The following MBNL2 variants were observed in gnomAD, a reference collection of about 807,000 sequenced individuals.
MBNL2 encodes the protein muscleblind-like protein 2.
MBNL2 carries 17 observed loss-of-function variants against 41.9 expected under a neutral mutation model. The ratio of observed to expected loss-of-function variants is 0.41; its 90% CI spans 0.28 to 0.61. The LOEUF (loss-of-function observed/expected upper bound fraction) is 0.61, where lower values mean the gene tolerates loss of function less well. MBNL2 is among the 20% of genes least tolerant of loss of function. The pLI, the probability that MBNL2 is intolerant of heterozygous loss-of-function variation, is 0.35. For missense variants in MBNL2, 336 were observed against 505.6 expected (o/e 0.66, Z 3.22); for synonymous variants, 195 against 182.9 (o/e 1.07, Z -0.53).
chr13:97,274,548 T>C (rs2051780355), intron 1 of MBNL2, among the ~76,000 whole-genome samples: 2 of 152,150 alleles, frequency 1.3e-5, no homozygotes, highest in Admixed American at 6.6e-5. Flanking sequence ...TCTGAACTTA[T>C]TTGTTACCTG....
intron 2 of MBNL2, among the ~76,000 whole-genome samples, chr13:97,291,705 G>T (rs553440327): frequency 1.3e-5 from 2 of 150,218 alleles, no homozygotes; most frequent in Non-Finnish European, 3.0e-5. Flanking sequence ...GGCCAGCCCA[G>T]CCAACATGGT....
chr13:97,334,000 AAGAG>A (rs1445183526), intron 2 of MBNL2, among the ~76,000 whole-genome samples: 2 of 117,862 alleles, frequency 1.7e-5, no homozygotes, highest in Admixed American at 8.5e-5. Context: ...AAGAAAGAGA[AAGAG>A]AGAAAGAGAG....
chr13:97,342,410 G>A (rs2061513595), intron 3 of MBNL2, among the ~76,000 whole-genome samples: 1 of 152,202 alleles, frequency 6.6e-6, no homozygotes, highest in African/African-American at 2.4e-5. Context: ...AGGAAGGGAA[G>A]ACTGACTGGA....
chr13:97,216,385 T>C, the MBNL2 span, among the ~76,000 whole-genome samples: 1 of 151,996 alleles, frequency 6.6e-6, no homozygotes, highest in African/African-American at 2.4e-5. Flanking sequence ...ATTTGGTTTA[T>C]ACATGAAATA....
At chr13:97,208,198 T>C in the MBNL2 span, among the ~76,000 whole-genome samples, 2 of 152,230 alleles carry the variant, frequency 1.3e-5, no homozygotes, top group Non-Finnish European at 2.9e-5. Context: ...AATGTGAATC[T>C]CCAAGTGGAC....
intron 1 of MBNL2, among the ~76,000 whole-genome samples, chr13:97,235,484 G>A (rs1401842174): frequency 6.6e-6 from 1 of 152,154 alleles, no homozygotes; most frequent in Admixed American, 6.5e-5. Flanking sequence ...AGAAAACATT[G>A]CCATTTAAAA....
chr13:97,358,906 T>C (rs1411090912), intron 7 of MBNL2, among the ~76,000 whole-genome samples: 1 of 152,170 alleles, frequency 6.6e-6, no homozygotes, highest in African/African-American at 2.4e-5. Context: ...ATTCTTTGTA[T>C]AAAATCTACA....
At chr13:97,143,714 ACT>A in the MBNL2 span, among the ~76,000 whole-genome samples, 15 of 152,160 alleles carry the variant, frequency 9.9e-5, no homozygotes, top group Non-Finnish European at 1.9e-4. Flanking sequence ...TACTGAGTAA[ACT>A]CTCTTTTATT....
chr13:97,151,236 T>C, the MBNL2 span, among the ~76,000 whole-genome samples: 2 of 152,118 alleles, frequency 1.3e-5, no homozygotes. Flanking sequence ...CAGATGCTTT[T>C]CAAAGCGGGG....
intron 8 of MBNL2, among the ~76,000 whole-genome samples, chr13:97,369,120 A>G (rs1333038970): frequency 6.6e-6 from 1 of 152,234 alleles, no homozygotes; most frequent in Non-Finnish European, 1.5e-5. Context: ...TGTATTTTCA[A>G]TAAGTTTCAA....
the MBNL2 span, among the ~76,000 whole-genome samples, chr13:97,205,004 T>C: frequency 2.0e-5 from 3 of 151,818 alleles, no homozygotes; most frequent in East Asian, 5.8e-4. Flanking sequence ...AAATGCCATC[T>C]TTACTGAAAA....
chr13:97,191,664 G>A, the MBNL2 span, among the ~76,000 whole-genome samples: 4 of 152,150 alleles, frequency 2.6e-5, no homozygotes, highest in Non-Finnish European at 5.9e-5. Flanking sequence ...GATTTTTGTG[G>A]ACTAGCATGA....
At chr13:97,190,182 A>G in the MBNL2 span, among the ~76,000 whole-genome samples, 19 of 152,344 alleles carry the variant, frequency 1.2e-4, no homozygotes, top group East Asian at 1.9e-4. Context: ...GCCCTTCCTG[A>G]AAGCAACCCA....
chr13:97,389,529 C>T (rs1267967687), intron 8 of MBNL2, among the ~76,000 whole-genome samples: 1 of 151,722 alleles, frequency 6.6e-6, no homozygotes, highest in African/African-American at 2.4e-5. Flanking sequence ...ACAGGAAGAC[C>T]CCATCTCTAC....
At chr13:97,218,315 C>T (rs1479093877), upstream of MBNL2, among the ~76,000 whole-genome samples, 2 of 151,724 alleles carry the variant, frequency 1.3e-5, no homozygotes, top group African/African-American at 4.8e-5. Flanking sequence ...GAGACTGAAG[C>T]AGGAGAATGG....
chr13:97,187,163 T>G, the MBNL2 span, among the ~76,000 whole-genome samples: 2 of 152,226 alleles, frequency 1.3e-5, no homozygotes, highest in African/African-American at 4.8e-5. Context: ...ACCAAGTTTC[T>G]TTTGGAGTGT....
intron 2 of MBNL2, among the ~76,000 whole-genome samples, chr13:97,291,220 A>AT (rs1366883620): frequency 1.3e-5 from 2 of 151,918 alleles, no homozygotes; most frequent in South Asian, 2.1e-4. Flanking sequence ...TGGATTTACA[A>AT]TATGTTTTGA....
chr13:97,356,803 C>T lies in MBNL2; in HGVS notation c.812C>T (p.Ser271Leu). The change falls in exon 6 of 9, where the codon TCG (serine) becomes TTG (leucine). Residue 271 changes from serine to leucine, a missense_variant. By Grantham distance (145) the Ser-to-Leu change is moderately radical. Coordinates refer to ENST00000679496, the MANE Select transcript of MBNL2 (RefSeq NM_001382683.1). Reference sequence around the variant, plus strand: ...GCTGCCTGTTATTAAAAGACTCAGTCGACTGCCAAAGCAATGAAGCGACCT... The same window carrying T: ...GCTGCCTGTTATTAAAAGACTCAGTTGACTGCCAAAGCAATGAAGCGACCT... ...AAAAATVMTQ[S>L]TAKAMKRPLE... is the part of the protein sequence containing the mutation. The T allele has an allele frequency of 2.2e-6, 3 of 1,362,762 alleles. No individual in the cohort carries two copies. The highest frequency in any genetic ancestry group is 2.0e-6 in the Non-Finnish European group (2 of 1,017,952). The allele number at this position is 1,362,762 out of a possible 1,614,324, so 84.4% of individuals were successfully genotyped here. A position where few individuals can be genotyped will look rare whatever the true frequency, so the allele number is the denominator to read the frequency against.
intron 1 of MBNL2, among the ~76,000 whole-genome samples, chr13:97,270,063 T>C (rs959023029): frequency 3.3e-5 from 5 of 152,180 alleles, no homozygotes; most frequent in Non-Finnish European, 5.9e-5. Context: ...CTCAAAGAAA[T>C]TGACTTGCCC....
Sources: gnomAD v4.1 joint callset for allele counts (sites outside exome capture counted in the v4.1 genomes callset) on GRCh38, gnomAD v4.1.1 for gene constraint, MANE v1.5 for transcripts, NCBI Gene and HGNC (gene_info 2026-07-23, HGNC 2026-07-21) for gene names.